GABRG3: variants seen among roughly 807,000 people sequenced by gnomAD.
The protein encoded by GABRG3 is gamma-aminobutyric acid type A receptor subunit gamma3.
A neutral mutation model predicts 48.8 loss-of-function variants in GABRG3; 25 were observed. That is an observed-to-expected ratio of 0.51 (90% CI 0.37 to 0.72). GABRG3 has a LOEUF of 0.72. Among genes scored for constraint, GABRG3 ranks in the 30% least tolerant of loss-of-function variants. The probability of loss-of-function intolerance (pLI) is 0.00; values close to 1 mark genes in which losing one functional copy is unlikely to be tolerated. For synonymous variants in GABRG3, 227 were observed against 217.6 expected (o/e 1.04, Z -0.38); for missense variants, 394 against 577.9 (o/e 0.68, Z 3.26).
chr15:27,347,614 T>C (rs1010788602), intron 5 of GABRG3, among the ~76,000 whole-genome samples: 2 of 152,208 alleles, frequency 1.3e-5, no homozygotes, highest in Non-Finnish European at 2.9e-5. Flanking sequence ...AATTCTGAGA[T>C]AGCCCTGCCA....
intron 3 of GABRG3, among the ~76,000 whole-genome samples, chr15:27,312,887 TGGTA>T (rs909704340): frequency 4.6e-5 from 7 of 151,734 alleles, no homozygotes; most frequent in Non-Finnish European, 2.9e-5. Flanking sequence ...ATTGTAATAA[TGGTA>T]GGTAAATCAC....
At chr15:27,061,875 C>T (rs538702529) in intron 3 of GABRG3, among the ~76,000 whole-genome samples, 4 of 152,250 alleles carry the variant, frequency 2.6e-5, no homozygotes, top group African/African-American at 7.2e-5. Flanking sequence ...GCTGTGCTCC[C>T]GAGAGGCACT....
intron 3 of GABRG3, among the ~76,000 whole-genome samples, chr15:27,211,274 C>T (rs1889071157): frequency 2.6e-5 from 4 of 152,106 alleles, no homozygotes; most frequent in African/African-American, 9.7e-5. Flanking sequence ...TATTTAATAA[C>T]CTACAAAACA....
intron 3 of GABRG3, among the ~76,000 whole-genome samples, chr15:27,284,551 G>A (rs1891546886): frequency 1.3e-5 from 2 of 152,126 alleles, no homozygotes; most frequent in South Asian, 2.1e-4. Flanking sequence ...AGAGGAAATG[G>A]CATCTTCACC....
At chr15:27,026,189 G>A (rs1441941879) in intron 2 of GABRG3, among the ~76,000 whole-genome samples, 2 of 152,282 alleles carry the variant, frequency 1.3e-5, no homozygotes, top group African/African-American at 2.4e-5. Flanking sequence ...TGATGTATGT[G>A]CATATATGTA....
chr15:27,527,815 T>A, intron 8 of GABRG3, 118 bp from the exon 9 acceptor site: 1 of 970,948 alleles, frequency 1.0e-6, no homozygotes, highest in South Asian at 1.5e-5. Context: ...ACATCTCTGG[T>A]GTCACCTACC....
chr15:27,371,572 A>C lies in GABRG3; in HGVS notation c.574+42684A>C, dbSNP rs146799609. Among the ~76,000 whole-genome samples the C allele has an allele frequency of 6.2e-4, 95 of 152,296 alleles. 1 individual carries two copies. The highest frequency in any genetic ancestry group is 2.3e-3 in the African/African-American group (94 of 41,562). ...ATCACAATACAAGGGCACCATTTGT[A>C]GTTAAGGTTAAATGATCTTCCAAGG... On this transcript the variant is annotated intron_variant, in intron 5 of 9. Transcript: ENST00000615808.
At chr15:27,215,444 C>T (rs200497758) in intron 3 of GABRG3, among the ~76,000 whole-genome samples, 1 of 152,316 alleles carries the variant, frequency 6.6e-6, no homozygotes, top group East Asian at 1.9e-4. Flanking sequence ...CCATTCTTGC[C>T]ATTTAACATT....
At chr15:27,528,054 T>A in intron 9 of GABRG3, 62 bp downstream of exon 9, 1 of 1,228,946 alleles carries the variant, frequency 8.1e-7, no homozygotes, top group Non-Finnish European at 1.2e-6. Flanking sequence ...AGATTGCATT[T>A]GAAAGATAGA....
At chr15:27,490,706 T>C (rs1193844586) in intron 6 of GABRG3, among the ~76,000 whole-genome samples, 4 of 152,322 alleles carry the variant, frequency 2.6e-5, no homozygotes, top group Admixed American at 6.5e-5. Flanking sequence ...CCCAAAATAG[T>C]TCCTTCCAGA....
In GABRG3 at chr15:27,390,669, ACTCCAT is replaced by A. The variant is rs1896194276; in HGVS notation, c.574+61784_574+61789del. Among the ~76,000 whole-genome samples, 4 of 152,190 alleles carry A rather than the reference ACTCCAT, an allele frequency of 2.6e-5. No homozygotes were observed. The South Asian group carries it at 8.3e-4, about 32-fold the overall frequency. ...GTGAGTCTGGTCAGAGCCAGAGATCACTCCATCTTTGGCCTTCTAGGTAGCGCAGGA... is the reference window on the plus strand; with the variant it reads ...GTGAGTCTGGTCAGAGCCAGAGATCACTTTGGCCTTCTAGGTAGCGCAGGA... On this transcript the variant is annotated intron_variant, in intron 5 of 9. Coordinates refer to ENST00000615808, the MANE Select transcript of GABRG3 (RefSeq NM_033223.5).
intron 5 of GABRG3, among the ~76,000 whole-genome samples, chr15:27,456,637 C>T (rs111250248): frequency 4.6e-5 from 7 of 152,308 alleles, no homozygotes; most frequent in South Asian, 2.1e-4. Context: ...TCCCAAGGAA[C>T]GGCCAATCTG....
At chr15:27,307,747 A>G (rs1255532806) in intron 3 of GABRG3, among the ~76,000 whole-genome samples, 1 of 126,266 alleles carries the variant, frequency 7.9e-6, no homozygotes, top group African/African-American at 3.2e-5. Context: ...TCATAGGTTT[A>G]TATATAAACA....
At chr15:27,291,848 A>G (rs1279421502) in intron 3 of GABRG3, among the ~76,000 whole-genome samples, 1 of 152,226 alleles carries the variant, frequency 6.6e-6, no homozygotes. Context: ...TCTATGTTCA[A>G]TAAATTTGGG....
chr15:27,066,468 A>T (rs377687809), intron 3 of GABRG3, among the ~76,000 whole-genome samples: 8 of 152,352 alleles, frequency 5.3e-5, no homozygotes, highest in African/African-American at 1.9e-4. Flanking sequence ...GCTTTCAATG[A>T]GATGCCAACA....
In GABRG3 at chr15:27,397,670, G is replaced by C. The variant is rs552923265; in HGVS notation, c.574+68782G>C. On this transcript the variant is annotated intron_variant, in intron 5 of 9. Transcript: ENST00000615808. ...TTTCTAAACTCTCCTCCAGCCTCCC[G>C]CTTCTGCTGATAGTAATTGGCATGT... 6.6e-5 allele frequency among the ~76,000 whole-genome samples: 10 copies of C among 151,976 alleles called. No homozygotes were observed. The East Asian group carries it at 1.9e-3, about 29-fold the overall frequency.
At chr15:27,436,581 T>A (rs916205327) in intron 5 of GABRG3, among the ~76,000 whole-genome samples, 8 of 152,242 alleles carry the variant, frequency 5.3e-5, no homozygotes, top group Non-Finnish European at 1.0e-4. Flanking sequence ...TGATTACTCT[T>A]GTTAAACATA....
intron 5 of GABRG3, among the ~76,000 whole-genome samples, chr15:27,340,312 C>T (rs1196873715): frequency 6.6e-6 from 1 of 152,164 alleles, no homozygotes. Flanking sequence ...TTGTGGTAGA[C>T]ACATTCTACA....
rs570472908 is a variant in GABRG3 at position 27,136,018 on chromosome 15, C to T, written c.270+109197C>T. 8.5e-5 allele frequency among the ~76,000 whole-genome samples: 13 copies of T among 152,266 alleles called. No individual in the cohort carries two copies. The East Asian group carries it at 2.5e-3, about 29-fold the overall frequency. On this transcript the variant is annotated intron_variant, in intron 3 of 9. Transcript: ENST00000615808. ...GGATGCTCAGAAAGCTCAGTTCCTCCCTTCCCTCTAATGGGAGCTGTGAAG... is the reference window on the plus strand; with the variant it reads ...GGATGCTCAGAAAGCTCAGTTCCTCTCTTCCCTCTAATGGGAGCTGTGAAG...
Sources: allele counts gnomAD v4.1 joint callset (sites outside exome capture counted in the v4.1 genomes callset), GRCh38; gene constraint gnomAD v4.1.1; transcripts MANE v1.5; gene names NCBI Gene and HGNC (gene_info 2026-07-23, HGNC 2026-07-21).